MACROD2: variants seen among roughly 807,000 people sequenced by gnomAD.
The protein encoded by MACROD2 is ADP-ribose glycohydrolase MACROD2.
In MACROD2, 36 loss-of-function variants were observed where a neutral mutation model predicts 70.4. The ratio of observed to expected loss-of-function variants is 0.51; its 90% CI spans 0.39 to 0.68. The LOEUF (loss-of-function observed/expected upper bound fraction) is 0.68. Ranked by LOEUF, MACROD2 falls within the 30% of genes least tolerant of loss-of-function variation. The pLI is 0.00. For missense variants in MACROD2, 496 were observed against 538.4 expected (o/e 0.92, Z 0.78); for synonymous variants, 172 against 178.8 (o/e 0.96, Z 0.30).
intron 7 of MACROD2, among the ~76,000 whole-genome samples, chr20:15,447,948 A>G (rs1217407260): frequency 2.0e-5 from 3 of 152,016 alleles, no homozygotes; most frequent in African/African-American, 7.2e-5. Context: ...TCCTTGTGAG[A>G]GGCCATGACA....
At chr20:15,355,315 A>G (rs2078274321) in intron 6 of MACROD2, among the ~76,000 whole-genome samples, 1 of 152,176 alleles carries the variant, frequency 6.6e-6, no homozygotes, top group African/African-American at 2.4e-5. Flanking sequence ...AATTTGGTAG[A>G]TCAACTCAGA....
chr20:15,532,769 A>G (rs1172861979), intron 8 of MACROD2, among the ~76,000 whole-genome samples: 1 of 151,988 alleles, frequency 6.6e-6, no homozygotes, highest in Non-Finnish European at 1.5e-5. Context: ...CCTGGGTCTT[A>G]GGAAATCTTA....
At chr20:15,341,077 T>C (rs1026431314) in intron 6 of MACROD2, among the ~76,000 whole-genome samples, 1 of 152,168 alleles carries the variant, frequency 6.6e-6, no homozygotes, top group African/African-American at 2.4e-5. Context: ...GGTTACTTGT[T>C]TTATTCTGTA....
At chr20:14,413,885 T>C (rs1419534315) in intron 3 of MACROD2, among the ~76,000 whole-genome samples, 2 of 90,884 alleles carry the variant, frequency 2.2e-5, no homozygotes, top group African/African-American at 7.8e-5. Context: ...GAATGCAACA[T>C]TTATATACTC....
chr20:15,143,304 G>A (rs767767244), intron 5 of MACROD2, among the ~76,000 whole-genome samples: 47 of 152,304 alleles, frequency 3.1e-4, no homozygotes, highest in African/African-American at 6.0e-4. Context: ...CTGCATAAAT[G>A]TCTTCTTTTG....
chr20:15,291,198 G>A (rs2077537993), intron 6 of MACROD2, among the ~76,000 whole-genome samples: 1 of 152,174 alleles, frequency 6.6e-6, no homozygotes, highest in South Asian at 2.1e-4. Flanking sequence ...GACAAATTAA[G>A]CTAAATGCTT....
At chr20:14,307,743 G>A (rs1260955503) in intron 3 of MACROD2, among the ~76,000 whole-genome samples, 5 of 152,024 alleles carry the variant, frequency 3.3e-5, no homozygotes. Context: ...AAAAAAAGCA[G>A]ACAAATTTTT....
chr20:15,491,201 C>A (rs1158572533), intron 7 of MACROD2, among the ~76,000 whole-genome samples: 1 of 152,114 alleles, frequency 6.6e-6, no homozygotes, highest in East Asian at 1.9e-4. Flanking sequence ...GACTAGATGA[C>A]CTTTATACTC....
At chr20:15,527,569 C>A (rs1321764346) in intron 8 of MACROD2, among the ~76,000 whole-genome samples, 1 of 152,148 alleles carries the variant, frequency 6.6e-6, no homozygotes, top group East Asian at 1.9e-4. Flanking sequence ...CATTTTTCTC[C>A]CTATATCATA....
chr20:15,387,831 GC>G (rs1015774595), intron 6 of MACROD2, among the ~76,000 whole-genome samples: 7 of 150,684 alleles, frequency 4.6e-5, no homozygotes, highest in Admixed American at 3.3e-4. Flanking sequence ...TTGAACTCCA[GC>G]CTCAAACTCC....
intron 5 of MACROD2, among the ~76,000 whole-genome samples, chr20:15,199,033 T>G (rs2076632199): frequency 6.8e-6 from 1 of 147,120 alleles, no homozygotes; most frequent in Non-Finnish European, 1.5e-5. Context: ...TTGTACGTGA[T>G]CTACATCCTT....
chr20:14,550,500 A>G (rs1285942793), intron 4 of MACROD2, among the ~76,000 whole-genome samples: 1 of 152,194 alleles, frequency 6.6e-6, no homozygotes, highest in African/African-American at 2.4e-5. Flanking sequence ...CAGTGAGAAG[A>G]GAAGACATAA....
chr20:15,155,083 A>G (rs1310454726), intron 5 of MACROD2, among the ~76,000 whole-genome samples: 2 of 150,886 alleles, frequency 1.3e-5, no homozygotes, highest in African/African-American at 4.9e-5. Context: ...TAATAAGGAT[A>G]TAGAAGAACT....
intron 3 of MACROD2, among the ~76,000 whole-genome samples, chr20:14,454,983 A>C (rs1169473006): frequency 6.6e-6 from 1 of 151,460 alleles, no homozygotes; most frequent in Non-Finnish European, 1.5e-5. Context: ...CGATCTCCTG[A>C]CCTCGTGATC....
At chr20:14,153,699 T>A (rs1419365584) in intron 3 of MACROD2, among the ~76,000 whole-genome samples, 1 of 152,210 alleles carries the variant, frequency 6.6e-6, no homozygotes, top group Non-Finnish European at 1.5e-5. Flanking sequence ...ATATGTTCTG[T>A]AATTGGCAAA....
intron 5 of MACROD2, among the ~76,000 whole-genome samples, chr20:15,064,852 G>A (rs186609989): frequency 3.9e-4 from 59 of 152,334 alleles, no homozygotes; most frequent in African/African-American, 1.1e-3. Context: ...GAGAGTGGTC[G>A]TGGCATAAGA....
chr20:15,830,086 A>T (rs1312841976), intron 8 of MACROD2, among the ~76,000 whole-genome samples: 2 of 152,200 alleles, frequency 1.3e-5, no homozygotes, highest in African/African-American at 4.8e-5. Context: ...AGGACATTGT[A>T]TTCTCATGAA....
chr20:15,903,515 C>A (rs747637242), intron 10 of MACROD2, among the ~76,000 whole-genome samples: 1 of 152,172 alleles, frequency 6.6e-6, no homozygotes, highest in Non-Finnish European at 1.5e-5. Flanking sequence ...GCATGAGAAT[C>A]ACCAGAGGGT....
intron 5 of MACROD2, chr20:15,023,042 C>G (rs2122972304): frequency 6.6e-6 from 1 of 152,202 alleles, no homozygotes; most frequent in South Asian, 2.1e-4. Context: ...CACCACAATT[C>G]TATACCCATG....
Sources: allele counts gnomAD v4.1 joint callset (sites outside exome capture counted in the v4.1 genomes callset), GRCh38; gene constraint gnomAD v4.1.1; transcripts MANE v1.5; gene names NCBI Gene and HGNC (gene_info 2026-07-23, HGNC 2026-07-21).